The following SV2C variants were observed in gnomAD, a reference collection of about 807,000 sequenced individuals.
SV2C encodes synaptic vesicle glycoprotein 2C, also known as solute carrier family 22 member B3.
In SV2C, 49 loss-of-function variants were observed where a neutral mutation model predicts 79.7. The observed-to-expected ratio is 0.61, with a 90% confidence interval of 0.49 to 0.78. The LOEUF (loss-of-function observed/expected upper bound fraction) is 0.78. Ranked by LOEUF, SV2C falls within the 30% of genes least tolerant of loss-of-function variation. The probability of loss-of-function intolerance (pLI) is 0.00; values close to 1 mark genes in which losing one functional copy is unlikely to be tolerated. For missense variants in SV2C, 833 were observed against 912.9 expected (o/e 0.91, Z 1.13); for synonymous variants, 334 against 333.2 (o/e 1.00, Z -0.03).
intron 1 of SV2C, among the ~76,000 whole-genome samples, chr5:76,115,911 C>A (rs1333993102): frequency 6.6e-6 from 1 of 152,200 alleles, no homozygotes; most frequent in Non-Finnish European, 1.5e-5. Context: ...CCATTCTCTG[C>A]CTGAGCCCCT....
intron 4 of SV2C, among the ~76,000 whole-genome samples, chr5:76,221,166 A>G (rs1745053839): frequency 6.6e-6 from 1 of 152,120 alleles, no homozygotes; most frequent in Non-Finnish European, 1.5e-5. Context: ...ACAGAAAGCA[A>G]CTCTGGCTAA....
chr5:76,213,591 A>AT (rs1744832725), intron 4 of SV2C, among the ~76,000 whole-genome samples: 2 of 151,970 alleles, frequency 1.3e-5, no homozygotes, highest in Non-Finnish European at 2.9e-5. Context: ...TTTTATTCTT[A>AT]TTTTTTTCAG....
At chr5:75,944,037 A>G in the SV2C span, among the ~76,000 whole-genome samples, 7 of 152,206 alleles carry the variant, frequency 4.6e-5, no homozygotes, top group Admixed American at 4.6e-4. Flanking sequence ...TTTTTTTAAG[A>G]GACAGGGTCT....
chr5:76,226,251 T>G (rs1745234629), intron 4 of SV2C, among the ~76,000 whole-genome samples: 1 of 151,448 alleles, frequency 6.6e-6, no homozygotes, highest in Admixed American at 6.6e-5. Context: ...GGGTCTTGGC[T>G]TGACAATTTA....
At chr5:75,851,378 A>G in the SV2C span, among the ~76,000 whole-genome samples, 1 of 152,208 alleles carries the variant, frequency 6.6e-6, no homozygotes, top group African/African-American at 2.4e-5. Context: ...TCTGAATCCA[A>G]AAGACCATAT....
chr5:75,987,564 G>A, the SV2C span, among the ~76,000 whole-genome samples: 1 of 151,944 alleles, frequency 6.6e-6, no homozygotes, highest in Non-Finnish European at 1.5e-5. Flanking sequence ...CTTATGTGAA[G>A]AAAACAAAAC....
At chr5:75,984,571 C>CTATCTATCTA in the SV2C span, among the ~76,000 whole-genome samples, 148 of 60,234 alleles carry the variant, frequency 2.5e-3, no homozygotes, top group Middle Eastern at 0.013. Flanking sequence ...CTATCTATAT[C>CTATCTATCTA]TATCTATCTA....
At chr5:76,174,200 A>T in intron 2 of SV2C, 1 of 1,611,308 alleles carries the variant, frequency 6.2e-7, no homozygotes, top group Non-Finnish European at 8.5e-7. Flanking sequence ...AGCTTGTCAA[A>T]ACCTAGTACT....
At chr5:76,080,074 T>C (rs910215568), upstream of SV2C, among the ~76,000 whole-genome samples, 1 of 152,064 alleles carries the variant, frequency 6.6e-6, no homozygotes, top group African/African-American at 2.4e-5. Flanking sequence ...TTTGTTTTGG[T>C]TGTGATAGAC....
chr5:76,050,397 G>C, the SV2C span, among the ~76,000 whole-genome samples: 1 of 152,090 alleles, frequency 6.6e-6, no homozygotes, highest in African/African-American at 2.4e-5. Flanking sequence ...GAAAATCCTT[G>C]GTGTTATCTC....
intron 2 of SV2C, among the ~76,000 whole-genome samples, chr5:76,172,529 A>G (rs1235415806): frequency 1.0e-4 from 7 of 67,524 alleles, no homozygotes; most frequent in South Asian, 6.0e-4. Context: ...CCCGGCCACC[A>G]CCCCGTCTGG....
intron 1 of SV2C, among the ~76,000 whole-genome samples, chr5:76,112,627 G>A (rs1748129811): frequency 6.6e-6 from 1 of 152,216 alleles, no homozygotes. Context: ...AATGCCAAGA[G>A]GGAGGCCCTG....
chr5:76,065,275 C>G, the SV2C span, among the ~76,000 whole-genome samples: 1 of 152,144 alleles, frequency 6.6e-6, no homozygotes, highest in Non-Finnish European at 1.5e-5. Context: ...CAACCTGTGA[C>G]TGAAAATAGA....
At position 76,325,737 on chromosome 5, in the gene SV2C, GTTTT is replaced by G; in HGVS notation, c.*191_*194del. ...GTGATTTTGCACAGGTTGTTTGTTTGTTTTGTTTTGTTTGAATGCATTGTTATCT... is the reference window on the plus strand; with the variant it reads ...GTGATTTTGCACAGGTTGTTTGTTTGGTTTTGTTTGAATGCATTGTTATCT... On this transcript the variant is annotated 3_prime_UTR_variant, in exon 13 of 13. Transcript: ENST00000502798. 1 of 747,234 alleles carries G rather than the reference GTTTT, an allele frequency of 1.3e-6. No homozygotes were observed. Among genetic ancestry groups the G allele is most frequent in the Non-Finnish European group, 2.0e-6 (1 of 496,598 alleles). 46.3% of individuals were successfully genotyped at this position (747,234 alleles called of 1,614,324 possible).
the SV2C span, among the ~76,000 whole-genome samples, chr5:75,946,040 A>C: frequency 4.6e-5 from 7 of 152,064 alleles, no homozygotes; most frequent in Non-Finnish European, 1.0e-4. Flanking sequence ...TGAAATTCAA[A>C]GCAAGGAGGA....
intron 4 of SV2C, among the ~76,000 whole-genome samples, chr5:76,245,387 C>T (rs1272520371): frequency 6.6e-6 from 1 of 152,110 alleles, no homozygotes; most frequent in East Asian, 1.9e-4. Context: ...GATAGAAGCT[C>T]AGTTCATGCA....
At chr5:76,258,063 T>C (rs1746345856) in intron 4 of SV2C, among the ~76,000 whole-genome samples, 1 of 144,420 alleles carries the variant, frequency 6.9e-6, no homozygotes, top group South Asian at 2.3e-4. Flanking sequence ...TATATGTGTT[T>C]ATGTAGTATG....
At chr5:76,047,160 A>T in the SV2C span, among the ~76,000 whole-genome samples, 23 of 152,160 alleles carry the variant, frequency 1.5e-4, no homozygotes, top group Admixed American at 3.3e-4. Context: ...AGCTTGATGA[A>T]TGTTCACAAA....
intron 4 of SV2C, among the ~76,000 whole-genome samples, chr5:76,220,767 T>C (rs770524553): frequency 1.3e-5 from 2 of 152,124 alleles, no homozygotes; most frequent in Non-Finnish European, 2.9e-5. Context: ...GCGGTCATCA[T>C]CAAAGGCCCC....
Sources: allele counts gnomAD v4.1 joint callset (sites outside exome capture counted in the v4.1 genomes callset), GRCh38; gene constraint gnomAD v4.1.1; transcripts MANE v1.5; gene names NCBI Gene and HGNC (gene_info 2026-07-23, HGNC 2026-07-21).